Variants in ATG13 observed in about 807,000 individuals in gnomAD.
ATG13 encodes autophagy-related protein 13.
A neutral mutation model predicts 65.5 loss-of-function variants in ATG13; 23 were observed. The observed-to-expected ratio is 0.35, with a 90% confidence interval of 0.25 to 0.50. ATG13 has a LOEUF of 0.50. ATG13 is among the 20% of genes least tolerant of loss of function. The probability of loss-of-function intolerance (pLI) is 0.98; values close to 1 mark genes in which losing one functional copy is unlikely to be tolerated. For missense variants in ATG13, 566 were observed against 677.0 expected (o/e 0.84, Z 1.82); for synonymous variants, 252 against 245.2 (o/e 1.03, Z -0.26).
chr11:46,660,660 G>A (rs923096847), intron 11 of ATG13, among the ~76,000 whole-genome samples: 29 of 150,922 alleles, frequency 1.9e-4, no homozygotes, highest in African/African-American at 7.1e-4. Flanking sequence ...CGCCCGCCTC[G>A]GCCTCCCAAA....
chr11:46,635,887 A>G (rs868358695), intron 2 of ATG13, among the ~76,000 whole-genome samples: 2 of 152,210 alleles, frequency 1.3e-5, no homozygotes, highest in Non-Finnish European at 2.9e-5. Context: ...TGATAATCCA[A>G]TTCTTACCTT....
intron 1 of ATG13, among the ~76,000 whole-genome samples, chr11:46,624,838 G>A (rs892322222): frequency 6.6e-6 from 1 of 152,092 alleles, no homozygotes; most frequent in South Asian, 2.1e-4. Flanking sequence ...TTTGAGACCA[G>A]CCTGAGCAAC....
rs187127546 is a variant in ATG13, at chr11:46,622,530, A to G, written c.-70+4640A>G. On this transcript the variant is annotated intron_variant, in intron 1 of 18. Transcript: ENST00000683050. Reference sequence around the variant, plus strand: ...TGCATTCATCATCTAAACCAAAAACAAAATTTTAAAGCAAGAACAAACTAC... The same window carrying G: ...TGCATTCATCATCTAAACCAAAAACGAAATTTTAAAGCAAGAACAAACTAC... 2.8e-3 allele frequency among the ~76,000 whole-genome samples: 428 copies of G among 152,330 alleles called. 2 individuals carry two copies. The highest frequency in any genetic ancestry group is 9.7e-3 in the African/African-American group (402 of 41,584).
intron 1 of ATG13, among the ~76,000 whole-genome samples, chr11:46,623,024 G>A (rs987592256): frequency 5.9e-5 from 9 of 152,258 alleles, no homozygotes; most frequent in Middle Eastern, 3.4e-3. Context: ...GCCGGGTGCC[G>A]TGGCTCATGC....
rs1311105510 is a variant in ATG13 at position 46,630,025 on chromosome 11, A to G, written c.-69-20A>G. The G allele has an allele frequency of 6.6e-6, 1 of 152,068 alleles. No individual in the cohort carries two copies. The highest frequency in any genetic ancestry group is 1.5e-5 in the Non-Finnish European group (1 of 68,032). 9.4% of individuals were successfully genotyped at this position (152,068 alleles called of 1,614,324 possible). A position where few individuals can be genotyped will look rare whatever the true frequency, so the allele number is the denominator to read the frequency against. On this transcript the variant is annotated intron_variant, in intron 1 of 18. Coordinates refer to ENST00000683050, the MANE Select transcript of ATG13 (RefSeq NM_001346311.2). ...CTGTTGTGCAGTGGTATTCACAGTC[A>G]TGATCATATTTCTCTACAGCATCTT...
Position 46,664,861 on chromosome 11 carries a change from C to G in ATG13, c.901C>G (p.Arg301Gly), listed in dbSNP as rs367689476. 2 of 1,613,712 alleles carry G rather than the reference C, an allele frequency of 1.2e-6. No individual in the cohort carries two copies. The highest frequency in any genetic ancestry group is 2.2e-5 in the East Asian group (1 of 44,898). The change falls in exon 13 of 19, where the codon CGC (arginine) becomes GGC (glycine). Residue 301 changes from arginine to glycine, a missense_variant. Transcript: ENST00000683050. ...LAFSHQLSSS[R>G]LSYQPAALGV... The stretch of plus-strand genomic sequence containing the variant: ...TTCTCTTGCTTAGCTCTCAAGCTCT[C>G]GCCTTTCCTATCAGCCTGCTGCCCT...
intron 11 of ATG13, among the ~76,000 whole-genome samples, chr11:46,663,138 C>G (rs1397521139): frequency 6.6e-6 from 1 of 151,856 alleles, no homozygotes; most frequent in Non-Finnish European, 1.5e-5. Flanking sequence ...TGGTGGCGGG[C>G]ACCTGTAGTC....
intron 18 of ATG13, among the ~76,000 whole-genome samples, chr11:46,670,920 C>G (rs749314571): frequency 2.0e-5 from 3 of 152,126 alleles, no homozygotes; most frequent in Admixed American, 1.3e-4. Context: ...TTTTCTCATC[C>G]CAGTTTACAG....
intron 2 of ATG13, among the ~76,000 whole-genome samples, chr11:46,633,003 A>AAAAATAT (rs1261200980): frequency 1.1e-5 from 1 of 89,150 alleles, no homozygotes; most frequent in African/African-American, 4.2e-5. Context: ...ATTAAAAAAA[A>AAAAATAT]ATATATATAT....
chr11:46,638,492 A>G (rs1424335192), intron 2 of ATG13: 1 of 151,950 alleles, frequency 6.6e-6, no homozygotes, highest in African/African-American at 2.4e-5. Context: ...ATTATTGTTA[A>G]CTCCAGTCAT....
At chr11:46,655,618 C>T (rs879399509) in intron 7 of ATG13, among the ~76,000 whole-genome samples, 4 of 152,168 alleles carry the variant, frequency 2.6e-5, no homozygotes, top group Non-Finnish European at 4.4e-5. Context: ...TAGTAGCAAT[C>T]CTAGACCTGT....
intron 1 of ATG13, among the ~76,000 whole-genome samples, chr11:46,622,685 A>G (rs1047841246): frequency 6.6e-6 from 1 of 152,128 alleles, no homozygotes; most frequent in Non-Finnish European, 1.5e-5. Flanking sequence ...GTATCCAAAA[A>G]CTGATACACG....
At chr11:46,641,544 C>G (rs764542508) in intron 2 of ATG13, among the ~76,000 whole-genome samples, 2 of 152,112 alleles carry the variant, frequency 1.3e-5, no homozygotes, top group Non-Finnish European at 2.9e-5. Flanking sequence ...GTAAGAAATT[C>G]AAAACAACCC....
rs773910954 is a variant in ATG13 at position 46,657,616 on chromosome 11, A to G, written c.689A>G (p.Asn230Ser). ...AGCTCCTCTCCCATGCACCCCTGCA[A>G]TTACAGGTGAGGAATGTGAAAAGGT... is the stretch of plus-strand genomic sequence containing the variant. ...YPSSSPMHPCNYRTAGEDTGV... is the reference protein window; with the variant it reads ...YPSSSPMHPCSYRTAGEDTGV... Residue 230 changes from asparagine (N) to serine (S), a missense_variant, in exon 10 of 19, where the codon AAT becomes AGT. By Grantham distance (46) the Asn-to-Ser change is conservative. Transcript: ENST00000683050. The G allele has an allele frequency of 4.4e-6, 7 of 1,599,072 alleles. No homozygotes were observed. Among genetic ancestry groups the G allele is most frequent in the Non-Finnish European group, 3.4e-6 (4 of 1,172,566 alleles).
Position 46,669,552 on chromosome 11 carries a change from T to G in ATG13, c.1575+20T>G, listed in dbSNP as rs2134281590. 6.2e-7 allele frequency: 1 copy of G among 1,613,174 alleles called. No homozygotes were observed. Among genetic ancestry groups the G allele is most frequent in the East Asian group, 2.2e-5 (1 of 44,846 alleles). On this transcript the variant is annotated intron_variant, in intron 18 of 18. Coordinates refer to ENST00000683050, the MANE Select transcript of ATG13 (RefSeq NM_001346311.2). ...GACTTGGTATGGAAACGTCTTCCTC[T>G]ACCACAGTGCATCCTTATTTGATGG...
chr11:46,649,637 G>A (rs2058496827), intron 6 of ATG13, among the ~76,000 whole-genome samples: 1 of 152,154 alleles, frequency 6.6e-6, no homozygotes, highest in African/African-American at 2.4e-5. Context: ...TTTCAAGGCA[G>A]ATTAGCTTAT....
At chr11:46,654,799 TA>T (rs2059679583) in intron 7 of ATG13, among the ~76,000 whole-genome samples, 1 of 150,038 alleles carries the variant, frequency 6.7e-6, no homozygotes, top group Admixed American at 6.6e-5. Flanking sequence ...AAATTATTTT[TA>T]AAAAACCCGA....
chr11:46,656,096 C>T (rs1216209984), intron 7 of ATG13, 137 bp from the exon 8 acceptor site: 7 of 699,324 alleles, frequency 1.0e-5, no homozygotes, highest in African/African-American at 3.6e-5. Flanking sequence ...GTAGGAATTA[C>T]TAATGCTCCA....
At chr11:46,645,102 G>T (rs934381266) in intron 3 of ATG13, among the ~76,000 whole-genome samples, 2 of 152,088 alleles carry the variant, frequency 1.3e-5, no homozygotes, top group African/African-American at 2.4e-5. Context: ...GCCTCAACCT[G>T]TAATTCCTTT....
Sources: allele counts gnomAD v4.1 joint callset (sites outside exome capture counted in the v4.1 genomes callset), GRCh38; gene constraint gnomAD v4.1.1; transcripts MANE v1.5; gene names NCBI Gene and HGNC (gene_info 2026-07-23, HGNC 2026-07-21).